The following TRHDE variants were observed in gnomAD, a reference collection of about 807,000 sequenced individuals.
TRHDE encodes the protein thyrotropin-releasing hormone-degrading ectoenzyme.
Under a neutral mutation model 125.7 loss-of-function variants are expected in TRHDE, and 72 were observed. That is an observed-to-expected ratio of 0.57 (90% CI 0.47 to 0.70). The LOEUF is 0.70. Ranked by LOEUF, TRHDE falls within the 30% of genes least tolerant of loss-of-function variation. The pLI, the probability that TRHDE is intolerant of heterozygous loss-of-function variation, is 0.00. For synonymous variants in TRHDE, 509 were observed against 509.1 expected (o/e 1.00, Z 0.00); for missense variants, 1,110 against 1,327.1 (o/e 0.84, Z 2.54).
At chr12:72,107,550 C>T (rs1396476931) in intron 2 of TRHDE, among the ~76,000 whole-genome samples, 1 of 152,122 alleles carries the variant, frequency 6.6e-6, no homozygotes, top group Non-Finnish European at 1.5e-5. Context: ...TCTTTCTGAA[C>T]TCTTTAGAAT....
At chr12:72,094,282 G>T (rs1874858622) in intron 1 of TRHDE, among the ~76,000 whole-genome samples, 1 of 152,146 alleles carries the variant, frequency 6.6e-6, no homozygotes, top group Non-Finnish European at 1.5e-5. Flanking sequence ...TGAGTCCCTG[G>T]CCAAGCAGGA....
chr12:72,344,815 G>A (rs572770088), intron 2 of TRHDE, among the ~76,000 whole-genome samples: 1 of 152,108 alleles, frequency 6.6e-6, no homozygotes, highest in South Asian at 2.1e-4. Flanking sequence ...GCATCATGAG[G>A]AACACTCTTC....
chr12:72,170,828 C>T (rs997722883), intron 2 of TRHDE, among the ~76,000 whole-genome samples: 36 of 152,174 alleles, frequency 2.4e-4, no homozygotes, highest in African/African-American at 8.4e-4. Flanking sequence ...TTCTCTCTCT[C>T]TCTGCCTTTC....
At chr12:72,324,679 A>G (rs550699342) in intron 2 of TRHDE, among the ~76,000 whole-genome samples, 2 of 152,230 alleles carry the variant, frequency 1.3e-5, no homozygotes, top group African/African-American at 4.8e-5. Context: ...GAGTCAGGAA[A>G]TGGGGCGGAA....
chr12:72,473,898 A>G (rs1479844593), intron 5 of TRHDE, among the ~76,000 whole-genome samples: 1 of 152,062 alleles, frequency 6.6e-6, no homozygotes, highest in Non-Finnish European at 1.5e-5. Flanking sequence ...TCAAATTTAA[A>G]TTTATTTTAA....
intron 2 of TRHDE, among the ~76,000 whole-genome samples, chr12:72,336,894 C>G (rs867914871): frequency 6.6e-6 from 1 of 152,284 alleles, no homozygotes; most frequent in African/African-American, 2.4e-5. Flanking sequence ...GCTGCATGAA[C>G]TTTGGGGGAC....
intron 2 of TRHDE, among the ~76,000 whole-genome samples, chr12:72,293,491 T>G (rs1880168329): frequency 6.6e-6 from 1 of 152,156 alleles, no homozygotes; most frequent in Non-Finnish European, 1.5e-5. Flanking sequence ...TCAATGCTTG[T>G]TCTTTACTCT....
intron 15 of TRHDE, among the ~76,000 whole-genome samples, chr12:72,623,498 C>G (rs1873134554): frequency 6.6e-6 from 1 of 151,916 alleles, no homozygotes; most frequent in Admixed American, 6.6e-5. Flanking sequence ...AAAAATAGTT[C>G]ATTTATTTAA....
intron 3 of TRHDE, among the ~76,000 whole-genome samples, chr12:72,417,071 G>A (rs1873760508): frequency 6.6e-6 from 1 of 151,874 alleles, no homozygotes; most frequent in South Asian, 2.1e-4. Context: ...TCATTGTAGA[G>A]ATCTTTTGTT....
At chr12:72,471,623 C>G (rs1419804925) in intron 4 of TRHDE, among the ~76,000 whole-genome samples, 1 of 152,134 alleles carries the variant, frequency 6.6e-6, no homozygotes, top group African/African-American at 2.4e-5. Flanking sequence ...TCCTGCCCAC[C>G]TATTTGTTGT....
At chr12:72,500,319 A>C (rs1016599877) in intron 6 of TRHDE, among the ~76,000 whole-genome samples, 1 of 152,142 alleles carries the variant, frequency 6.6e-6, no homozygotes, top group Admixed American at 6.5e-5. Flanking sequence ...TAGCCACTTA[A>C]TAATAGTTAA....
intron 3 of TRHDE, among the ~76,000 whole-genome samples, chr12:72,406,010 CT>C (rs537158026): frequency 3.4e-4 from 52 of 152,298 alleles, no homozygotes; most frequent in Non-Finnish European, 7.4e-4. Context: ...AGGACTTTTA[CT>C]TCTCTCTTGC....
intron 6 of TRHDE, among the ~76,000 whole-genome samples, chr12:72,534,569 C>T (rs2135979176): frequency 6.6e-6 from 1 of 152,008 alleles, no homozygotes; most frequent in Admixed American, 6.6e-5. Context: ...GGGCAGGGAG[C>T]TAGCATAAAA....
At chr12:72,280,312 C>T (rs992462448) in intron 1 of TRHDE, among the ~76,000 whole-genome samples, 1 of 152,142 alleles carries the variant, frequency 6.6e-6, no homozygotes, top group African/African-American at 2.4e-5. Context: ...AATTGGTAAG[C>T]ACATCTGTGG....
chr12:72,125,304 T>A (rs1231550431), intron 2 of TRHDE, among the ~76,000 whole-genome samples: 1 of 152,166 alleles, frequency 6.6e-6, no homozygotes, highest in South Asian at 2.1e-4. Context: ...TTCCAGGTTG[T>A]TTATATGTAT....
intron 2 of TRHDE, chr12:72,137,265 A>G (rs1876007010): frequency 6.6e-6 from 1 of 152,222 alleles, no homozygotes; most frequent in Admixed American, 6.5e-5. Flanking sequence ...AGATAAGATC[A>G]GTCATAGGTT....
intron 2 of TRHDE, among the ~76,000 whole-genome samples, chr12:72,339,656 T>C (rs1226345716): frequency 6.6e-6 from 1 of 152,176 alleles, no homozygotes; most frequent in African/African-American, 2.4e-5. Flanking sequence ...TATTTATTGG[T>C]TTGATTATCC....
chr12:72,339,841 A>G (rs935106485), intron 2 of TRHDE, among the ~76,000 whole-genome samples: 1 of 152,174 alleles, frequency 6.6e-6, no homozygotes, highest in African/African-American at 2.4e-5. Context: ...TCTCCACTGG[A>G]AATTGCCCTT....
intron 1 of TRHDE, among the ~76,000 whole-genome samples, chr12:72,088,855 T>C (rs1874726919): frequency 6.6e-6 from 1 of 152,024 alleles, no homozygotes; most frequent in Admixed American, 6.6e-5. Context: ...CTCTTATCAG[T>C]CAGCTTCTTG....
Sources: gnomAD v4.1 joint callset for allele counts (sites outside exome capture counted in the v4.1 genomes callset) on GRCh38, gnomAD v4.1.1 for gene constraint, MANE v1.5 for transcripts, NCBI Gene and HGNC (gene_info 2026-07-23, HGNC 2026-07-21) for gene names.